The following FMN1 variants were observed in gnomAD, a reference collection of about 807,000 sequenced individuals.
FMN1 encodes formin 1, also known as formin-1.
In FMN1, 110 loss-of-function variants were observed where a neutral mutation model predicts 132.4. That is an observed-to-expected ratio of 0.83 (90% CI 0.71 to 0.97). The LOEUF (loss-of-function observed/expected upper bound fraction) is 0.97. Among genes scored for constraint, FMN1 ranks in the 50% least tolerant of loss-of-function variants. The probability of loss-of-function intolerance (pLI) is 0.00; values close to 1 mark genes in which losing one functional copy is unlikely to be tolerated. For missense variants in FMN1, 1,792 were observed against 1,705.3 expected, an observed-to-expected ratio of 1.05 and a Z score of -0.90; for synonymous variants, 722 against 651.7, an observed-to-expected ratio of 1.11 and a Z score of -1.64.
chr15:32,831,016 C>T (rs1055493006), intron 17 of FMN1, among the ~76,000 whole-genome samples: 1 of 152,132 alleles, frequency 6.6e-6, no homozygotes, highest in African/African-American at 2.4e-5. Flanking sequence ...GGCACCAAAC[C>T]CCCATGCTGG....
chr15:33,126,685 G>C (rs894227343), intron 4 of FMN1, among the ~76,000 whole-genome samples: 3 of 152,234 alleles, frequency 2.0e-5, no homozygotes, highest in Non-Finnish European at 2.9e-5. Context: ...CAACTCAGCA[G>C]ACAGGAAGCG....
intron 17 of FMN1, among the ~76,000 whole-genome samples, chr15:32,828,009 C>T (rs1363410018): frequency 1.3e-5 from 2 of 152,138 alleles, no homozygotes; most frequent in African/African-American, 4.8e-5. Context: ...GAATCGGACC[C>T]AGGCTGGGTG....
chr15:33,049,222 T>G (rs527378157), intron 6 of FMN1, among the ~76,000 whole-genome samples: 18 of 152,328 alleles, frequency 1.2e-4, no homozygotes, highest in African/African-American at 3.8e-4. Context: ...GGGGGAATTT[T>G]TTTTAAACAA....
At chr15:32,789,766 A>G (rs1445013627) in intron 19 of FMN1, among the ~76,000 whole-genome samples, 1 of 152,170 alleles carries the variant, frequency 6.6e-6, no homozygotes, top group East Asian at 1.9e-4. Context: ...CGCCCTACAC[A>G]GGTGTACCAT....
At chr15:32,980,904 C>T (rs1235231800) in intron 7 of FMN1, among the ~76,000 whole-genome samples, 2 of 152,106 alleles carry the variant, frequency 1.3e-5, no homozygotes, top group Non-Finnish European at 2.9e-5. Flanking sequence ...ACCCCAGCTA[C>T]CCAGGAGGCT....
At chr15:33,040,114 G>C (rs564470549) in intron 6 of FMN1, among the ~76,000 whole-genome samples, 2 of 152,204 alleles carry the variant, frequency 1.3e-5, no homozygotes, top group East Asian at 3.9e-4. Context: ...CATTTGCTTT[G>C]TCTCATGTAT....
At chr15:32,913,076 T>C (rs564524970) in intron 10 of FMN1, among the ~76,000 whole-genome samples, 124 of 152,264 alleles carry the variant, frequency 8.1e-4, no homozygotes, top group South Asian at 1.7e-3. Context: ...AAATGCAACC[T>C]TCCCGAATTC....
At chr15:32,785,756 T>C (rs1245250232) in intron 19 of FMN1, among the ~76,000 whole-genome samples, 1 of 152,114 alleles carries the variant, frequency 6.6e-6, no homozygotes, top group Non-Finnish European at 1.5e-5. Context: ...AGCTACCTAG[T>C]ACAGTGTGAC....
chr15:32,783,709 C>T (rs189279034), intron 19 of FMN1, among the ~76,000 whole-genome samples: 1 of 123,384 alleles, frequency 8.1e-6, no homozygotes, highest in Non-Finnish European at 1.6e-5. Context: ...TGTGCCACTG[C>T]ACTCCAGCCT....
intron 7 of FMN1, among the ~76,000 whole-genome samples, chr15:32,983,042 C>A (rs974833496): frequency 6.6e-6 from 1 of 152,088 alleles, no homozygotes; most frequent in Admixed American, 6.6e-5. Context: ...CACATAGACG[C>A]ACACATCCTA....
intron 17 of FMN1, among the ~76,000 whole-genome samples, chr15:32,825,312 G>A (rs1269900231): frequency 2.0e-5 from 3 of 152,142 alleles, no homozygotes; most frequent in Non-Finnish European, 4.4e-5. Context: ...TCCAAATTCC[G>A]TCTCATGATC....
chr15:33,111,001 T>G (rs1451407697), intron 4 of FMN1, among the ~76,000 whole-genome samples: 4 of 152,170 alleles, frequency 2.6e-5, no homozygotes, highest in African/African-American at 7.2e-5. Context: ...TGTGAAAAAG[T>G]GCTATGGAAT....
intron 19 of FMN1, among the ~76,000 whole-genome samples, chr15:32,787,070 G>C (rs2056904857): frequency 6.6e-6 from 1 of 152,172 alleles, no homozygotes; most frequent in African/African-American, 2.4e-5. Flanking sequence ...AGGCATTTCT[G>C]AATTCCTGAC....
chr15:33,087,318 G>A (rs565435446), intron 5 of FMN1, among the ~76,000 whole-genome samples: 3 of 152,352 alleles, frequency 2.0e-5, no homozygotes, highest in African/African-American at 4.8e-5. Flanking sequence ...GGCTGAGGCA[G>A]GGAACATTTT....
At chr15:32,995,680 G>A (rs343916) in intron 7 of FMN1, among the ~76,000 whole-genome samples, 114,520 of 152,106 alleles carry the variant, frequency 0.75, 43,718 homozygotes, top group East Asian at 0.97. Flanking sequence ...TACCAATCAT[G>A]AGAGAGATAA....
intron 9 of FMN1, among the ~76,000 whole-genome samples, chr15:32,953,903 T>A (rs951262260): frequency 6.6e-6 from 1 of 152,200 alleles, no homozygotes; most frequent in Non-Finnish European, 1.5e-5. Flanking sequence ...AAAATCTAAA[T>A]TCACTGTTTC....
At chr15:33,164,288 T>C (rs1965011513) in intron 3 of FMN1, among the ~76,000 whole-genome samples, 2 of 152,210 alleles carry the variant, frequency 1.3e-5, no homozygotes. Context: ...GGAGGCAAAA[T>C]TCTTTCCTGT....
At position 33,151,514 on chromosome 15, in the gene FMN1, CCTTG is replaced by C; in HGVS notation, c.1867+1530_1867+1533del. Reference sequence around the variant, plus strand: ...AAACTGAATGTGCTCTGTGTGCCTGCCTTGATCCAGATACACTGGAGCTTTTATG... The same window carrying C: ...AAACTGAATGTGCTCTGTGTGCCTGCATCCAGATACACTGGAGCTTTTATG... On this transcript the variant is annotated intron_variant, in intron 4 of 20. Transcript: ENST00000616417. 3.6e-6 allele frequency: 3 copies of C among 829,368 alleles called. No homozygotes were observed. In the South Asian group the frequency reaches 5.9e-5, roughly 16 times the overall value. 51.4% of individuals were successfully genotyped at this position (829,368 alleles called of 1,614,324 possible). A position where few individuals can be genotyped will look rare whatever the true frequency, so the allele number is the denominator to read the frequency against.
chr15:32,921,137 A>C (rs776645725), intron 10 of FMN1, among the ~76,000 whole-genome samples: 8 of 152,214 alleles, frequency 5.3e-5, no homozygotes, highest in Admixed American at 1.3e-4. Context: ...AGAGTATTAA[A>C]TTAGGATGAC....
Sources: gnomAD v4.1 joint callset for allele counts (sites outside exome capture counted in the v4.1 genomes callset) on GRCh38, gnomAD v4.1.1 for gene constraint, MANE v1.5 for transcripts, NCBI Gene and HGNC (gene_info 2026-07-23, HGNC 2026-07-21) for gene names.